The following CHRNA5 variants were observed in gnomAD, a reference collection of about 807,000 sequenced individuals.
CHRNA5 encodes neuronal acetylcholine receptor subunit alpha-5.
A neutral mutation model predicts 41.2 loss-of-function variants in CHRNA5; 28 were observed. The observed-to-expected ratio is 0.68, with a 90% confidence interval of 0.50 to 0.93. CHRNA5 has a LOEUF of 0.93. Ranked by LOEUF, CHRNA5 falls within the 40% of genes least tolerant of loss-of-function variation. CHRNA5 has a pLI of 0.00. For missense variants in CHRNA5, 481 were observed against 581.9 expected (o/e 0.83, Z 1.78); for synonymous variants, 188 against 205.8 (o/e 0.91, Z 0.74).
intron 1 of CHRNA5, among the ~76,000 whole-genome samples, chr15:78,574,987 A>T (rs2052844053): frequency 6.6e-6 from 1 of 151,504 alleles, no homozygotes; most frequent in South Asian, 2.1e-4. Flanking sequence ...AAAAAAAAAA[A>T]AGGAAAGGAA....
At position 78,588,458 on chromosome 15, in the gene CHRNA5, A is replaced by C; in HGVS notation, c.413+35A>C. On this transcript the variant is annotated intron_variant, in intron 4 of 5. Coordinates refer to ENST00000299565, the Ensembl canonical transcript of CHRNA5. This position sits in a 1 kb window ranked among gnomAD's most constrained non-coding sequence, Gnocchi z 4.1. ...ATTCTAAATATAGTTTTATATTTTC[A>C]AAAGAAAACATTTGTATTTCTATTA... The C allele has an allele frequency of 6.8e-6, 7 of 1,036,542 alleles. No individual in the cohort carries two copies. Among genetic ancestry groups the C allele is most frequent in the Non-Finnish European group, 9.6e-6 (7 of 730,688 alleles). The allele number at this position is 1,036,542 out of a possible 1,614,324, so 64.2% of individuals were successfully genotyped here.
At chr15:78,565,818 G>T (rs1290307316) in exon 1 of CHRNA5, 8 of 1,221,492 alleles carry the variant, frequency 6.5e-6, no homozygotes, top group Non-Finnish European at 8.2e-6. Context: ...CGGGCGGCGC[G>T]CAGAGAGGTA....
rs144866786 is a variant in CHRNA5 at position 78,568,881 on chromosome 15, G to A, written c.106+3056G>A. Among the ~76,000 whole-genome samples the A allele has an allele frequency of 5.3e-3, 805 of 152,234 alleles. 4 individuals carry two copies. The highest frequency in any genetic ancestry group is 9.5e-3 in the South Asian group (46 of 4,818). ...TGAACCTTAATTTTAATTACTATAT[G>A]TAGTGGCTGAAAATGAAATAGGAAA... On this transcript the variant is annotated intron_variant, in intron 1 of 5. Transcript: ENST00000299565.
chr15:78,588,444 AGTTT>A lies in CHRNA5; in HGVS notation c.413+22_413+25del. ...GATAAGTAAGTTATATTCTAAATAT[AGTTT>A]TATATTTTCAAAAGAAAACATTTGT... is the stretch of plus-strand genomic sequence containing the variant. On this transcript the variant is annotated intron_variant, in intron 4 of 5. Transcript: ENST00000299565. This position sits in a 1 kb window ranked among gnomAD's most constrained non-coding sequence, Gnocchi z 4.1. 3.5e-6 allele frequency: 4 copies of A among 1,147,726 alleles called. No individual in the cohort carries two copies. Among genetic ancestry groups the A allele is most frequent in the Non-Finnish European group, 4.9e-6 (4 of 815,980 alleles). 71.1% of individuals were successfully genotyped at this position (1,147,726 alleles called of 1,614,324 possible).
chr15:78,570,759 A>G (rs2052797053), intron 1 of CHRNA5, among the ~76,000 whole-genome samples: 1 of 152,116 alleles, frequency 6.6e-6, no homozygotes, highest in African/African-American at 2.4e-5. Context: ...ATTCAACTGT[A>G]TGTATGGAAT....
chr15:78,583,619 T>C (rs979272453), intron 2 of CHRNA5, among the ~76,000 whole-genome samples: 3 of 150,072 alleles, frequency 2.0e-5, no homozygotes, highest in Admixed American at 6.7e-5. Flanking sequence ...GGTGTGAACC[T>C]GGGAGGCGGA....
exon 6 of CHRNA5, chr15:78,593,287 AAC>A (rs1302038695): frequency 3.2e-6 from 5 of 1,558,852 alleles, no homozygotes; most frequent in African/African-American, 2.7e-5. Flanking sequence ...ACATTTAGTT[AAC>A]ACACATATAT....
intron 5 of CHRNA5, among the ~76,000 whole-genome samples, chr15:78,592,364 A>C (rs972412253): frequency 6.6e-6 from 1 of 152,182 alleles, no homozygotes; most frequent in Non-Finnish European, 1.5e-5. Context: ...ACAATGCCCT[A>C]AATTCTAAAT....
At chr15:78,586,594 T>A (rs372092068) in intron 2 of CHRNA5, 51 bp from the exon 3 acceptor site, 174 of 1,061,112 alleles carry the variant, frequency 1.6e-4, no homozygotes, top group Middle Eastern at 3.0e-4. Context: ...TTTAAAGAAT[T>A]ATTGTTTCTG....
chr15:78,593,401 T>C, exon 6 of CHRNA5: 1 of 715,508 alleles, frequency 1.4e-6, no homozygotes, highest in Non-Finnish European at 2.1e-6. Context: ...TAACAGATGA[T>C]CCATTTGAAC....
chr15:78,580,545 C>T (rs940161091), intron 1 of CHRNA5, among the ~76,000 whole-genome samples: 3 of 152,068 alleles, frequency 2.0e-5, no homozygotes, highest in African/African-American at 7.2e-5. Flanking sequence ...GTCCCTTATT[C>T]TATCAGAAAT....
chr15:78,578,767 G>A (rs1396416596), intron 1 of CHRNA5, among the ~76,000 whole-genome samples: 1 of 152,154 alleles, frequency 6.6e-6, no homozygotes, highest in Non-Finnish European at 1.5e-5. Flanking sequence ...ACTTGCTACT[G>A]TAATCCTTAT....
At position 78,588,545 on chromosome 15, in the gene CHRNA5, G is replaced by T. The variant is rs114945237; in HGVS notation, c.413+122G>T. The T allele has an allele frequency of 6.1e-6, 3 of 491,592 alleles. No individual in the cohort carries two copies. The highest frequency in any genetic ancestry group is 3.2e-5 in the East Asian group (1 of 30,876). 30.5% of individuals were successfully genotyped at this position (491,592 alleles called of 1,614,324 possible). A position where few individuals can be genotyped will look rare whatever the true frequency, so the allele number is the denominator to read the frequency against. Reference sequence around the variant, plus strand: ...GGTATAAAAATCAAATGACATGACCGCATGTGCCTGGGTATGATTACATGT... The same window carrying T: ...GGTATAAAAATCAAATGACATGACCTCATGTGCCTGGGTATGATTACATGT... On this transcript the variant is annotated intron_variant, in intron 4 of 5. Transcript: ENST00000299565. This position sits in a 1 kb window ranked among gnomAD's most constrained non-coding sequence, Gnocchi z 4.1.
At chr15:78,590,794 C>G in intron 5 of CHRNA5, 158 bp downstream of exon 5, 1 of 649,724 alleles carries the variant, frequency 1.5e-6, no homozygotes, top group East Asian at 2.8e-5. Context: ...AAGATCTTTA[C>G]TAAGGCTTGT....
intron 2 of CHRNA5, among the ~76,000 whole-genome samples, chr15:78,585,914 A>T (rs2052957188): frequency 6.6e-6 from 1 of 150,390 alleles, no homozygotes; most frequent in South Asian, 2.1e-4. Context: ...CCTCCTGAAT[A>T]GCTGGGATTA....
At chr15:78,571,974 C>T (rs1466690377) in intron 1 of CHRNA5, among the ~76,000 whole-genome samples, 4 of 151,956 alleles carry the variant, frequency 2.6e-5, no homozygotes, top group African/African-American at 9.7e-5. Flanking sequence ...AGGACTGCTG[C>T]AAAGAGGATT....
At chr15:78,590,406 C>T (rs2053001993) in exon 5 of CHRNA5, 1 of 1,614,194 alleles carries the variant, frequency 6.2e-7, no homozygotes. Flanking sequence ...CAACATTCAT[C>T]ATCGTTCTTC....
intron 1 of CHRNA5, among the ~76,000 whole-genome samples, chr15:78,579,255 T>C (rs1356217098): frequency 1.3e-5 from 2 of 151,966 alleles, no homozygotes; most frequent in Admixed American, 6.6e-5. Context: ...GTTTGTTTGT[T>C]TGTTTGTTTG....
At chr15:78,579,748 C>G (rs1052339621) in intron 1 of CHRNA5, among the ~76,000 whole-genome samples, 2 of 152,240 alleles carry the variant, frequency 1.3e-5, no homozygotes, top group African/African-American at 4.8e-5. Flanking sequence ...ATCCAACACT[C>G]AGTTCTCAGC....
Sources: gnomAD v4.1 joint callset for allele counts (sites outside exome capture counted in the v4.1 genomes callset) on GRCh38, gnomAD v4.1.1 for gene constraint, Gnocchi (gnomAD v3.1) non-coding constraint, MANE v1.5 for transcripts, NCBI Gene and HGNC (gene_info 2026-07-23, HGNC 2026-07-21) for gene names.